Variants in STK38L observed in about 807,000 individuals in gnomAD.
STK38L encodes serine/threonine-protein kinase 38-like.
A neutral mutation model predicts 59.7 loss-of-function variants in STK38L; 28 were observed. That is an observed-to-expected ratio of 0.47 (90% CI 0.35 to 0.64). The LOEUF is 0.64. STK38L is among the 30% of genes least tolerant of loss of function. The pLI, the probability that STK38L is intolerant of heterozygous loss-of-function variation, is 0.01. For synonymous variants in STK38L, 162 were observed against 176.8 expected (o/e 0.92, Z 0.66); for missense variants, 314 against 555.8 (o/e 0.56, Z 4.37).
chr12:27,253,265 T>G (rs569876515), intron 1 of STK38L, among the ~76,000 whole-genome samples: 28 of 152,346 alleles, frequency 1.8e-4, no homozygotes, highest in African/African-American at 6.5e-4. Context: ...CTTCACCACC[T>G]GTTCAACTTG....
Position 27,306,714 on chromosome 12 carries a change from A to AACACACACACACACACACACACACACAC in STK38L, c.187-1613_187-1586dup, listed in dbSNP as rs10553623. ...GTGTTGGTATTTCAGGAATTTTATAAACACACACACACACACACACACACA... is the reference window on the plus strand; with the variant it reads ...GTGTTGGTATTTCAGGAATTTTATAAACACACACACACACACACACACACACACACACACACACACACACACACACACA... On this transcript the variant is annotated intron_variant, in intron 3 of 13. Transcript: ENST00000389032. Among the ~76,000 whole-genome samples the AACACACACACACACACACACACACACAC allele has an allele frequency of 3.9e-3, 548 of 139,152 alleles. 11 individuals carry two copies. Among genetic ancestry groups the AACACACACACACACACACACACACACAC allele is most frequent in the East Asian group, 0.015 (68 of 4,634 alleles). The allele number at this position is 139,152 out of a possible 152,430, so 91.3% of individuals were successfully genotyped here.
At chr12:27,258,006 C>T (rs1370404164) in intron 1 of STK38L, among the ~76,000 whole-genome samples, 4 of 151,870 alleles carry the variant, frequency 2.6e-5, no homozygotes, top group Non-Finnish European at 5.9e-5. Context: ...GGATGACAGG[C>T]GAGTGCCACC....
At chr12:27,282,373 C>A (rs1591887188) in intron 1 of STK38L, among the ~76,000 whole-genome samples, 1 of 152,220 alleles carries the variant, frequency 6.6e-6, no homozygotes, top group African/African-American at 2.4e-5. Flanking sequence ...GTGATAGTTA[C>A]ATTGTTCAAT....
chr12:27,318,122 G>T (rs1944631703), intron 11 of STK38L, 103 bp downstream of exon 11: 1 of 1,364,310 alleles, frequency 7.3e-7, no homozygotes, highest in Non-Finnish European at 1.0e-6. Context: ...TACCACTGAT[G>T]TATACAGTCA....
intron 1 of STK38L, among the ~76,000 whole-genome samples, chr12:27,275,155 C>T (rs1439662925): frequency 6.6e-6 from 1 of 152,150 alleles, no homozygotes; most frequent in African/African-American, 2.4e-5. Context: ...CTGGTTCCTA[C>T]TTTCCTGTCC....
chr12:27,298,288 A>C (rs6487597), intron 2 of STK38L: 49,500 of 153,744 alleles, frequency 0.32, 9,345 homozygotes, highest in African/African-American at 0.53. Context: ...AAATACAAAA[A>C]ATTAGCCGGG....
At chr12:27,271,477 T>C (rs2136618020) in intron 1 of STK38L, among the ~76,000 whole-genome samples, 1 of 152,302 alleles carries the variant, frequency 6.6e-6, no homozygotes, top group East Asian at 1.9e-4. Context: ...CTCTGAAGGA[T>C]TTCAGAAAAT....
intron 1 of STK38L, among the ~76,000 whole-genome samples, chr12:27,274,983 A>G (rs1943502362): frequency 6.6e-6 from 1 of 152,130 alleles, no homozygotes. Flanking sequence ...TTCATTCCTC[A>G]AACATTGCCA....
At chr12:27,276,088 A>T (rs750458053) in intron 1 of STK38L, among the ~76,000 whole-genome samples, 14 of 152,090 alleles carry the variant, frequency 9.2e-5, no homozygotes, top group African/African-American at 2.2e-4. Flanking sequence ...GATTTTTTTT[A>T]AAAAAACTTC....
intron 1 of STK38L, among the ~76,000 whole-genome samples, chr12:27,254,303 T>G (rs1943039571): frequency 6.6e-6 from 1 of 152,194 alleles, no homozygotes; most frequent in African/African-American, 2.4e-5. Context: ...CCTTGATTCT[T>G]TTCTCCTCTC....
intron 1 of STK38L, among the ~76,000 whole-genome samples, chr12:27,249,150 G>A (rs1317749497): frequency 6.6e-6 from 1 of 152,186 alleles, no homozygotes; most frequent in African/African-American, 2.4e-5. Context: ...TGCATTGAAC[G>A]TCTGCTGAGG....
intron 1 of STK38L, among the ~76,000 whole-genome samples, chr12:27,258,710 A>G (rs7979283): frequency 0.8 from 122,414 of 152,186 alleles, 49,281 homozygotes; most frequent in African/African-American, 0.82. Flanking sequence ...AATTCTTTAC[A>G]TTTTCTCTAT....
At chr12:27,249,192 C>T (rs1942920197) in intron 1 of STK38L, among the ~76,000 whole-genome samples, 1 of 152,186 alleles carries the variant, frequency 6.6e-6, no homozygotes. Context: ...GAGCTCTGCA[C>T]AGATCTTAGG....
At chr12:27,317,008 A>C (rs921834164) in intron 9 of STK38L, among the ~76,000 whole-genome samples, 6 of 152,202 alleles carry the variant, frequency 3.9e-5, no homozygotes, top group Non-Finnish European at 7.3e-5. Context: ...AAATAACTTA[A>C]CTGAGCTTCT....
intron 9 of STK38L, 103 bp downstream of exon 9, chr12:27,315,453 A>G (rs373113771): frequency 2.2e-6 from 2 of 892,382 alleles, no homozygotes; most frequent in East Asian, 2.7e-5. Context: ...TATTTACTTC[A>G]TAACAATGGT....
At chr12:27,267,662 A>G (rs773088485) in intron 1 of STK38L, among the ~76,000 whole-genome samples, 2 of 152,200 alleles carry the variant, frequency 1.3e-5, no homozygotes, top group Non-Finnish European at 2.9e-5. Flanking sequence ...GAGTGGCATC[A>G]AACTGTTCTC....
chr12:27,283,422 A>G (rs1461733), intron 1 of STK38L, among the ~76,000 whole-genome samples: 108,026 of 152,134 alleles, frequency 0.71, 38,385 homozygotes, highest in Non-Finnish European at 0.72. Context: ...AACAATGCCT[A>G]TGCTTTATAA....
In STK38L at chr12:27,323,053, T is replaced by C. The variant is rs1393041635; in HGVS notation, c.*598T>C. On this transcript the variant is annotated 3_prime_UTR_variant, in exon 14 of 14. Coordinates refer to ENST00000389032, the MANE Select transcript of STK38L (RefSeq NM_015000.4). ...AAAATAGAATTTATCATCAAGTTAT[T>C]ACACAAACTTCACAGTAAGGAGTGA... 1 of 152,196 alleles carries C rather than the reference T, an allele frequency of 6.6e-6. No homozygotes were observed. Among genetic ancestry groups the C allele is most frequent in the Non-Finnish European group, 1.5e-5 (1 of 68,020 alleles). The allele number at this position is 152,196 out of a possible 1,614,324, so 9.4% of individuals were successfully genotyped here.
rs528416188 is a variant in STK38L at position 27,299,796 on chromosome 12, A to G, written c.134+1942A>G. On this transcript the variant is annotated intron_variant, in intron 2 of 13. Coordinates refer to ENST00000389032, the MANE Select transcript of STK38L (RefSeq NM_015000.4). ...AGAAGGAAAAAATTGGAATGAGAAA[A>G]AAAAAGTCAGTTCAAAAAGAATGCA... Among the ~76,000 whole-genome samples, 4 of 152,234 alleles carry G rather than the reference A, an allele frequency of 2.6e-5. No individual in the cohort carries two copies. The South Asian group carries it at 8.3e-4, about 32-fold the overall frequency.
Sources: allele counts gnomAD v4.1 joint callset (sites outside exome capture counted in the v4.1 genomes callset), GRCh38; gene constraint gnomAD v4.1.1; transcripts MANE v1.5; gene names NCBI Gene and HGNC (gene_info 2026-07-23, HGNC 2026-07-21).